EPM2A: variants seen among roughly 807,000 people sequenced by gnomAD.
EPM2A encodes laforin.
A neutral mutation model predicts 26.5 loss-of-function variants in EPM2A; 21 were observed. The observed-to-expected ratio is 0.79, with a 90% confidence interval of 0.56 to 1.14. EPM2A has a LOEUF of 1.14. EPM2A is among the 50% of genes most tolerant of loss of function. The pLI, the probability that EPM2A is intolerant of heterozygous loss-of-function variation, is 0.00. For missense variants in EPM2A, 458 were observed against 440.8 expected (o/e 1.04, Z -0.35); for synonymous variants, 217 against 177.6 (o/e 1.22, Z -1.76).
chr6:145,491,848 C>G, intron 4 of EPM2A: 1 of 518,134 alleles, frequency 1.9e-6, no homozygotes, highest in Non-Finnish European at 3.9e-6. Flanking sequence ...AATTAAATTA[C>G]AAAAGGTCAT....
At chr6:145,535,843 T>A (rs1359939684) in intron 2 of EPM2A, among the ~76,000 whole-genome samples, 1 of 152,242 alleles carries the variant, frequency 6.6e-6, no homozygotes, top group Non-Finnish European at 1.5e-5. Context: ...TTTCACTTTG[T>A]GAATTTACCT....
chr6:145,472,095 G>A (rs939813562), intron 4 of EPM2A, among the ~76,000 whole-genome samples: 5 of 151,528 alleles, frequency 3.3e-5, no homozygotes, highest in Admixed American at 2.0e-4. Flanking sequence ...AAGGGCATCA[G>A]TCAGAGTCAT....
chr6:145,462,670 G>GT (rs1031149679), intron 4 of EPM2A, among the ~76,000 whole-genome samples: 100 of 152,256 alleles, frequency 6.6e-4, no homozygotes, highest in African/African-American at 2.3e-3. Context: ...CCAGAACCCA[G>GT]TAAGTCTGTG....
chr6:145,478,592 G>A (rs1582786777), intron 4 of EPM2A, among the ~76,000 whole-genome samples: 2 of 151,808 alleles, frequency 1.3e-5, no homozygotes, highest in East Asian at 3.9e-4. Context: ...ATAGGCCAAT[G>A]TAACAGAATT....
intron 2 of EPM2A, among the ~76,000 whole-genome samples, chr6:145,619,647 C>G (rs1274837625): frequency 6.6e-6 from 1 of 152,026 alleles, no homozygotes; most frequent in Non-Finnish European, 1.5e-5. Context: ...GAGTGGTAAT[C>G]ATAGGTCTGT....
chr6:145,408,142 T>A (rs911550762), intron 4 of EPM2A, among the ~76,000 whole-genome samples: 2 of 152,170 alleles, frequency 1.3e-5, no homozygotes, highest in African/African-American at 4.8e-5. Context: ...ATATATCTCT[T>A]ATTTCTGTGC....
chr6:145,517,630 A>T lies in EPM2A; in HGVS notation c.341-15055T>A, dbSNP rs145880567. Among the ~76,000 whole-genome samples the T allele has an allele frequency of 1.4e-3, 215 of 152,342 alleles. 1 individual carries two copies. The highest frequency in any genetic ancestry group is 4.8e-3 in the African/African-American group (201 of 41,582). ...TACATTACTTCTGTCATTATAAAAG[A>T]CTACCTAATTTATATGATTGGTAGG... On this transcript the variant is annotated intron_variant, in intron 2 of 3. Transcript: ENST00000450221.
chr6:145,543,305 C>A (rs2114796712), intron 2 of EPM2A, among the ~76,000 whole-genome samples: 1 of 151,892 alleles, frequency 6.6e-6, no homozygotes, highest in African/African-American at 2.4e-5. Flanking sequence ...ATTAGTGAAT[C>A]CAGAAAGGTG....
intron 4 of EPM2A, among the ~76,000 whole-genome samples, chr6:145,425,642 A>C (rs866925866): frequency 6.6e-6 from 1 of 152,046 alleles, no homozygotes; most frequent in Admixed American, 6.5e-5. Flanking sequence ...AAAAAAAAAA[A>C]AAAAAAGAAA....
chr6:145,630,758 T>G (rs554931032), intron 3 of EPM2A: 2 of 152,378 alleles, frequency 1.3e-5, no homozygotes, highest in South Asian at 4.1e-4. Context: ...TATTGAGCCC[T>G]TTCTACCTTC....
chr6:145,590,246 C>A (rs1014881132), intron 2 of EPM2A, among the ~76,000 whole-genome samples: 5 of 151,964 alleles, frequency 3.3e-5, no homozygotes, highest in African/African-American at 1.2e-4. Context: ...TTCTCATGGT[C>A]AAGAGCCAAG....
At chr6:145,523,730 G>A (rs914673907) in intron 2 of EPM2A, among the ~76,000 whole-genome samples, 6 of 152,028 alleles carry the variant, frequency 3.9e-5, no homozygotes, top group East Asian at 1.9e-4. Context: ...ACCTCTAAGT[G>A]TTCAAGTGAA....
intron 2 of EPM2A, among the ~76,000 whole-genome samples, chr6:145,651,375 AAAAGTAATT>A (rs1246931090): frequency 6.6e-6 from 1 of 152,184 alleles, no homozygotes; most frequent in African/African-American, 2.4e-5. Context: ...CACCCTGATG[AAAAGTAATT>A]ATGCTTTGGC....
At chr6:145,717,837 G>T (rs983356986) in intron 1 of EPM2A, among the ~76,000 whole-genome samples, 1 of 151,424 alleles carries the variant, frequency 6.6e-6, no homozygotes, top group African/African-American at 2.4e-5. Flanking sequence ...GACAAACAGA[G>T]AGACAAATCA....
intron 4 of EPM2A, among the ~76,000 whole-genome samples, chr6:145,425,787 A>C (rs1344983831): frequency 6.6e-6 from 1 of 152,176 alleles, no homozygotes; most frequent in Non-Finnish European, 1.5e-5. Context: ...GTAAGGTAGC[A>C]CTGTGTGATT....
intron 1 of EPM2A, among the ~76,000 whole-genome samples, chr6:145,726,947 A>T (rs1237484945): frequency 6.6e-6 from 1 of 152,194 alleles, no homozygotes; most frequent in Non-Finnish European, 1.5e-5. Context: ...ATAAAATATT[A>T]ACAACAGAGG....
chr6:145,735,465 C>G lies in EPM2A; in HGVS notation c.34G>C (p.Ala12Pro). 8.2e-7 allele frequency: 1 copy of G among 1,224,754 alleles called. No homozygotes were observed. The allele number at this position is 1,224,754 out of a possible 1,614,324, so 75.9% of individuals were successfully genotyped here. A position where few individuals can be genotyped will look rare whatever the true frequency, so the allele number is the denominator to read the frequency against. ...AGCTCCGGCCGGGCGCCGGCCACGG[C>G]GGGTGGCACCACCACCCCAAAGCGG... ...RFRFGVVVPP[A>P]VAGARPELLV... Residue 12 changes from alanine (A) to proline (P), a missense_variant, in exon 1 of 4, where the codon GCC (alanine) becomes CCC (proline). Coordinates refer to ENST00000367519, the MANE Select transcript of EPM2A (RefSeq NM_005670.4).
At chr6:145,656,697 T>C (rs1778318059) in intron 2 of EPM2A, among the ~76,000 whole-genome samples, 1 of 152,092 alleles carries the variant, frequency 6.6e-6, no homozygotes, top group Non-Finnish European at 1.5e-5. Context: ...GACATGATTA[T>C]AGTGCTATTG....
At chr6:145,608,649 G>A (rs977687441) in intron 2 of EPM2A, among the ~76,000 whole-genome samples, 1 of 152,108 alleles carries the variant, frequency 6.6e-6, no homozygotes, top group African/African-American at 2.4e-5. Context: ...CAACAGACAT[G>A]CAAAAGAAGA....
Sources: allele counts gnomAD v4.1 joint callset (sites outside exome capture counted in the v4.1 genomes callset), GRCh38; gene constraint gnomAD v4.1.1; transcripts MANE v1.5; gene names NCBI Gene and HGNC (gene_info 2026-07-23, HGNC 2026-07-21).